Variants in SMARCD3 observed in about 807,000 individuals in gnomAD.
SMARCD3 encodes SWI/SNF-related matrix-associated actin-dependent regulator of chromatin subfamily D member 3.
Under a neutral mutation model 58.0 loss-of-function variants are expected in SMARCD3, and 14 were observed. That is an observed-to-expected ratio of 0.24 (90% CI 0.16 to 0.38). The LOEUF is 0.38. SMARCD3 is among the 10% of genes least tolerant of loss of function. The pLI, the probability that SMARCD3 is intolerant of heterozygous loss-of-function variation, is 1.00. For missense variants in SMARCD3, 408 were observed against 636.9 expected, an observed-to-expected ratio of 0.64 and a Z score of 3.87; for synonymous variants, 253 against 253.8, an observed-to-expected ratio of 1.00 and a Z score of 0.03.
At chr7:151,264,683 T>C (rs1804026713) in intron 2 of SMARCD3, among the ~76,000 whole-genome samples, 1 of 152,140 alleles carries the variant, frequency 6.6e-6, no homozygotes. Context: ...ATCCATGGAG[T>C]TCTGGGGAGC....
chr7:151,265,691 T>C (rs2150612976), intron 2 of SMARCD3, among the ~76,000 whole-genome samples: 1 of 152,374 alleles, frequency 6.6e-6, no homozygotes, highest in African/African-American at 2.4e-5. Flanking sequence ...TTTGAGCCTT[T>C]ATTCCATCAT....
Position 151,238,960 on chromosome 7 carries a change from A to G in SMARCD3, c.*143T>C. 1 of 1,069,812 alleles carries G rather than the reference A, an allele frequency of 9.3e-7. No homozygotes were observed. The highest frequency in any genetic ancestry group is 1.4e-6 in the Non-Finnish European group (1 of 706,716). 66.3% of individuals were successfully genotyped at this position (1,069,812 alleles called of 1,614,324 possible). On this transcript the variant is annotated 3_prime_UTR_variant, in exon 13 of 13. Coordinates refer to ENST00000262188, the MANE Select transcript of SMARCD3 (RefSeq NM_001003801.2). Reference sequence around the variant, plus strand: ...CCCCTCCCCTCCCCAGTTTCCAATGACCACACGGCTGCTGTCAGATGAATG... The same window carrying G: ...CCCCTCCCCTCCCCAGTTTCCAATGGCCACACGGCTGCTGTCAGATGAATG...
chr7:151,252,557 C>G (rs921733050), upstream of SMARCD3, among the ~76,000 whole-genome samples: 1 of 152,116 alleles, frequency 6.6e-6, no homozygotes, highest in African/African-American at 2.4e-5. Flanking sequence ...TTTCGGTGTT[C>G]TGGCCATCTC....
rs1803077992 is a variant in SMARCD3 at position 151,243,034 on chromosome 7, G to A, written c.334-191C>T. Among the ~76,000 whole-genome samples, 1 of 152,190 alleles carries A rather than the reference G, an allele frequency of 6.6e-6. No individual in the cohort carries two copies. The highest frequency in any genetic ancestry group is 1.5e-5 in the Non-Finnish European group (1 of 68,002). On this transcript the variant is annotated intron_variant, in intron 3 of 12. Transcript: ENST00000262188. The surrounding 1 kb of genome is among the most constrained non-coding windows in gnomAD (Gnocchi z 4.4). ...ATTATCCAGCAGTAGGGGCCTTGCTGTGTAGGGATAACAATTGCTTCTCCC... is the reference window on the plus strand; with the variant it reads ...ATTATCCAGCAGTAGGGGCCTTGCTATGTAGGGATAACAATTGCTTCTCCC...
chr7:151,268,576 G>A (rs1368985125), intron 2 of SMARCD3, among the ~76,000 whole-genome samples: 4 of 152,170 alleles, frequency 2.6e-5, no homozygotes, highest in Non-Finnish European at 5.9e-5. Flanking sequence ...GAGGGCCCCT[G>A]AGGTTTGGGC....
upstream of SMARCD3, among the ~76,000 whole-genome samples, chr7:151,252,818 T>C (rs1803571394): frequency 6.6e-6 from 1 of 152,126 alleles, no homozygotes; most frequent in Non-Finnish European, 1.5e-5. Context: ...GCTGTGCGCT[T>C]CCCTGTTTGT....
chr7:151,275,261 GAGGTC>G, intron 1 of SMARCD3: 1 of 942,468 alleles, frequency 1.1e-6, no homozygotes, highest in Non-Finnish European at 1.7e-6. Context: ...TCTGAAAGGA[GAGGTC>G]AGACCCTGAG....
chr7:151,241,871 G>A lies in SMARCD3; in HGVS notation c.777+6C>T, dbSNP rs1432484913. ...GCGTGTACGGGGCAGCATGGCAGGT[G>A]CAGACCTGGTAGTCCAGCATGAGGA... On this transcript the variant is annotated splice_donor_region_variant and intron_variant, in intron 7 of 12. Coordinates refer to ENST00000262188, the MANE Select transcript of SMARCD3 (RefSeq NM_001003801.2). This position sits in a 1 kb window ranked among gnomAD's most constrained non-coding sequence, Gnocchi z 5.3. The A allele has an allele frequency of 4.4e-6, 7 of 1,604,896 alleles. No homozygotes were observed. Among genetic ancestry groups the A allele is most frequent in the African/African-American group, 1.3e-5 (1 of 74,838 alleles).
intron 2 of SMARCD3, among the ~76,000 whole-genome samples, chr7:151,264,430 G>A (rs1804017692): frequency 6.6e-6 from 1 of 152,170 alleles, no homozygotes; most frequent in Non-Finnish European, 1.5e-5. Context: ...CCCCAGGATG[G>A]CAGTGGCTTT....
At chr7:151,268,472 T>C (rs1352960838) in intron 2 of SMARCD3, among the ~76,000 whole-genome samples, 1 of 152,056 alleles carries the variant, frequency 6.6e-6, no homozygotes, top group Non-Finnish European at 1.5e-5. Context: ...TGTGAGATGA[T>C]AAATGGCCTT....
Position 151,241,343 on chromosome 7 carries a change from G to A in SMARCD3, c.939+149C>T, listed in dbSNP as rs1189310075. The A allele has an allele frequency of 1.2e-5, 9 of 739,242 alleles. No individual in the cohort carries two copies. The highest frequency in any genetic ancestry group is 1.1e-4 in the East Asian group (4 of 37,186). The allele number at this position is 739,242 out of a possible 1,614,324, so 45.8% of individuals were successfully genotyped here. A position where few individuals can be genotyped will look rare whatever the true frequency, so the allele number is the denominator to read the frequency against. On this transcript the variant is annotated intron_variant, in intron 8 of 12. Coordinates refer to ENST00000262188, the MANE Select transcript of SMARCD3 (RefSeq NM_001003801.2). This position sits in a 1 kb window ranked among gnomAD's most constrained non-coding sequence, Gnocchi z 5.3. ...TAGGGCCTGAACTAGAATCCTGGTC[G>A]GTCTCTTGGCTCCAAGACCATGACT...
Position 151,240,111 on chromosome 7 carries a change from C to T in SMARCD3, c.1173+1G>A. On this transcript the variant is annotated splice_donor_variant, in intron 10 of 12. Transcript: ENST00000262188. LOFTEE classifies it high-confidence loss of function. ...ACTCCAGCTCTGGGCTTGGGCCCCA[C>T]CTTACTGTCCAGAGCACTGATCTCC... 1.2e-6 allele frequency: 2 copies of T among 1,614,022 alleles called. No homozygotes were observed. Among genetic ancestry groups the T allele is most frequent in the Non-Finnish European group, 1.7e-6 (2 of 1,180,020 alleles).
At chr7:151,267,982 A>G (rs1275157110) in intron 2 of SMARCD3, among the ~76,000 whole-genome samples, 1 of 152,226 alleles carries the variant, frequency 6.6e-6, no homozygotes, top group Non-Finnish European at 1.5e-5. Flanking sequence ...TGTCTCATAA[A>G]TAAATAAACA....
Position 151,243,569 on chromosome 7 carries a change from G to A in SMARCD3, c.333+90C>T. ...TTAAACAAAAAGTGAAAGTGACTGT[G>A]ATGCTGAAGCTCTGCTTCTGAGGGG... On this transcript the variant is annotated intron_variant, in intron 3 of 12. Transcript: ENST00000262188. The surrounding 1 kb of genome is among the most constrained non-coding windows in gnomAD (Gnocchi z 4.4). 2 of 742,486 alleles carry A rather than the reference G, an allele frequency of 2.7e-6. No homozygotes were observed. Among genetic ancestry groups the A allele is most frequent in the Non-Finnish European group, 4.8e-6 (2 of 417,832 alleles). 46.0% of individuals were successfully genotyped at this position (742,486 alleles called of 1,614,324 possible).
chr7:151,267,043 G>A (rs1053687679), intron 2 of SMARCD3, among the ~76,000 whole-genome samples: 27 of 152,158 alleles, frequency 1.8e-4, no homozygotes, highest in African/African-American at 4.8e-4. Context: ...ATTGGCGAAC[G>A]ATACAAACCG....
Position 151,239,079 on chromosome 7 carries a change from G to T in SMARCD3, c.*24C>A, listed in dbSNP as rs201541677. The T allele has an allele frequency of 6.2e-7, 1 of 1,613,118 alleles. No homozygotes were observed. Among genetic ancestry groups the T allele is most frequent in the Non-Finnish European group, 8.5e-7 (1 of 1,179,106 alleles). ...GGCCCGGGACACGGCTGAAAGTTCC[G>T]TCGTGCTGCTTATTTTTGGGCTCCT... is the stretch of plus-strand genomic sequence containing the variant. On this transcript the variant is annotated 3_prime_UTR_variant, in exon 13 of 13. Transcript: ENST00000262188. The surrounding 1 kb of genome is among the most constrained non-coding windows in gnomAD (Gnocchi z 7.0).
At position 151,260,787 on chromosome 7, in the gene SMARCD3, G is replaced by A. The variant is rs1584890325; in HGVS notation, c.39+14327C>T. Among the ~76,000 whole-genome samples the A allele has an allele frequency of 1.3e-5, 2 of 152,314 alleles. 1 individual carries two copies. The highest frequency in any genetic ancestry group is 4.2e-4 in the South Asian group (2 of 4,814). On this transcript the variant is annotated intron_variant, in intron 2 of 13. Transcript: ENST00000356800. Reference sequence around the variant, plus strand: ...GGAGGATCCAACTGGCCCTTAAGAGGGGTAGGAGAAGCGATGAGAACAGCA... The same window carrying A: ...GGAGGATCCAACTGGCCCTTAAGAGAGGTAGGAGAAGCGATGAGAACAGCA...
intron 1 of SMARCD3, chr7:151,275,285 T>C: frequency 1.3e-6 from 1 of 787,554 alleles, no homozygotes; most frequent in East Asian, 2.7e-5. Context: ...AGCCCCAGCG[T>C]AGATTCAAGG....
chr7:151,245,681 G>T lies in SMARCD3; in HGVS notation c.79-10C>A. On this transcript the variant is annotated splice_polypyrimidine_tract_variant and intron_variant, in intron 1 of 12. Coordinates refer to ENST00000262188, the MANE Select transcript of SMARCD3 (RefSeq NM_001003801.2). This position sits in a 1 kb window ranked among gnomAD's most constrained non-coding sequence, Gnocchi z 6.2. ...ACGGCATCCCGGGGCGCTGGGGGTG[G>T]GCGGGGGTGAAGCAGAAACGGGCGC... is the stretch of plus-strand genomic sequence containing the variant. 2 of 920,730 alleles carry T rather than the reference G, an allele frequency of 2.2e-6. No individual in the cohort carries two copies. Among genetic ancestry groups the T allele is most frequent in the Non-Finnish European group, 2.8e-6 (2 of 704,476 alleles). 57.0% of individuals were successfully genotyped at this position (920,730 alleles called of 1,614,324 possible). A position where few individuals can be genotyped will look rare whatever the true frequency, so the allele number is the denominator to read the frequency against.
Sources: allele counts gnomAD v4.1 joint callset (sites outside exome capture counted in the v4.1 genomes callset), GRCh38; gene constraint gnomAD v4.1.1; non-coding constraint Gnocchi (gnomAD v3.1); transcripts MANE v1.5; gene names NCBI Gene and HGNC (gene_info 2026-07-23, HGNC 2026-07-21).